OVOL2: variants seen among roughly 807,000 people sequenced by gnomAD.
The protein encoded by OVOL2 is ovo like zinc finger 2, also known as transcription factor Ovo-like 2.
Under a neutral mutation model 18.1 loss-of-function variants are expected in OVOL2, and 13 were observed. The ratio of observed to expected loss-of-function variants is 0.72; its 90% CI spans 0.47 to 1.14. OVOL2 has a LOEUF of 1.14. Ranked by LOEUF, OVOL2 falls within the 50% of genes most tolerant of loss-of-function variation. The pLI is 0.00. For missense variants in OVOL2, 335 were observed against 383.0 expected (o/e 0.87, Z 1.05); for synonymous variants, 166 against 162.7 (o/e 1.02, Z -0.16).
Position 18,056,752 on chromosome 20 carries a change from C to A in OVOL2, c.226G>T (p.Ala76Ser), listed in dbSNP as rs1387804034. 1.3e-6 allele frequency: 2 copies of A among 1,490,372 alleles called. No homozygotes were observed. The highest frequency in any genetic ancestry group is 1.3e-5 in the South Asian group (1 of 78,356). The allele number at this position is 1,490,372 out of a possible 1,614,324, so 92.3% of individuals were successfully genotyped here. ...GGCTCGGGGGTTTCGCTCTCGGGGG[C>A]GTGCGGGGACGAGCTGCTCTCTGCT... ...GGAESSSSPH[A>S]PESETPEPGD... is the part of the protein sequence containing the mutation. The change falls in exon 2 of 4, where the codon GCC (alanine) becomes TCC (serine). Residue 76 changes from alanine to serine, a missense_variant. Transcript: ENST00000278780. This position sits in a 1 kb window ranked among gnomAD's most constrained non-coding sequence, Gnocchi z 4.2.
intron 3 of OVOL2, among the ~76,000 whole-genome samples, chr20:18,035,640 G>A (rs8117785): frequency 0.12 from 18,288 of 152,164 alleles, 1,183 homozygotes; most frequent in Middle Eastern, 0.16. Context: ...CGGCAAGCCT[G>A]TTCCTCTGAG....
chr20:18,054,475 G>A (rs2036798662), intron 2 of OVOL2, among the ~76,000 whole-genome samples: 2 of 152,208 alleles, frequency 1.3e-5, no homozygotes, highest in African/African-American at 4.8e-5. Context: ...GGATGCGGTG[G>A]CTCACGCCTG....
intron 2 of OVOL2, among the ~76,000 whole-genome samples, chr20:18,055,642 G>A (rs2036814775): frequency 6.6e-6 from 1 of 152,172 alleles, no homozygotes; most frequent in Admixed American, 6.5e-5. Flanking sequence ...CCTCTCCCAG[G>A]AAAATGAGGG....
intron 2 of OVOL2, among the ~76,000 whole-genome samples, chr20:18,054,913 C>T (rs911220688): frequency 4.6e-5 from 7 of 152,096 alleles, no homozygotes; most frequent in African/African-American, 1.4e-4. Context: ...TTGAAAACTG[C>T]CAATGCCATG....
At chr20:18,052,684 A>ACTTTT (rs2036781233) in intron 2 of OVOL2, among the ~76,000 whole-genome samples, 1 of 152,224 alleles carries the variant, frequency 6.6e-6, no homozygotes, top group African/African-American at 2.4e-5. Context: ...GGCCAAGCAT[A>ACTTTT]CTTTTGAAAG....
chr20:18,044,164 T>C (rs1444306805), intron 2 of OVOL2, among the ~76,000 whole-genome samples: 5 of 152,180 alleles, frequency 3.3e-5, no homozygotes, highest in Non-Finnish European at 7.3e-5. Flanking sequence ...AAAATGCAGG[T>C]TCTGATTCAG....
At chr20:18,043,463 C>A (rs1309611416) in intron 2 of OVOL2, among the ~76,000 whole-genome samples, 5 of 152,158 alleles carry the variant, frequency 3.3e-5, no homozygotes, top group Non-Finnish European at 7.3e-5. Flanking sequence ...CCCAAGCTAG[C>A]CATGTGGACA....
At chr20:18,031,562 G>A (rs1407402127) in intron 3 of OVOL2, among the ~76,000 whole-genome samples, 2 of 152,162 alleles carry the variant, frequency 1.3e-5, no homozygotes, top group Non-Finnish European at 2.9e-5. Flanking sequence ...GGGTAACGGA[G>A]CGAGACTCTA....
At position 18,024,946 on chromosome 20, in the gene OVOL2, C is replaced by A; in HGVS notation, c.518G>T (p.Arg173Leu). The A allele has an allele frequency of 6.2e-7, 1 of 1,609,020 alleles. No individual in the cohort carries two copies. Among genetic ancestry groups the A allele is most frequent in the Non-Finnish European group, 8.5e-7 (1 of 1,175,956 alleles). Residue 173 changes from arginine to leucine, a missense_variant, in exon 4 of 4, where the codon CGT (arginine) becomes CTT (leucine). Coordinates refer to ENST00000278780, the MANE Select transcript of OVOL2 (RefSeq NM_021220.4). ...KRHVRTHTGI[R>L]PYKCNVCNKA... ...ATTGCAGACGTTGCATTTGTAGGGACGAATGCCTGAAAGGATGAGGGACAG... is the reference window on the plus strand; with the variant it reads ...ATTGCAGACGTTGCATTTGTAGGGAAGAATGCCTGAAAGGATGAGGGACAG...
chr20:18,054,783 G>GAAAAGAAAAGAAAAGA lies in OVOL2; in HGVS notation c.321+1873_321+1874insTCTTTTCTTTTCTTTT, dbSNP rs796465834. ...CTCCATCTCAAAAAAAAAAAAAAAA[G>GAAAAGAAAAGAAAAGA]AAAGAAAAGAAAAGAAAAGAAAAGA... On this transcript the variant is annotated intron_variant, in intron 2 of 3. Coordinates refer to ENST00000278780, the MANE Select transcript of OVOL2 (RefSeq NM_021220.4). 1.0e-3 allele frequency among the ~76,000 whole-genome samples: 116 copies of GAAAAGAAAAGAAAAGA among 111,242 alleles called. 1 individual carries two copies. Among genetic ancestry groups the GAAAAGAAAAGAAAAGA allele is most frequent in the East Asian group, 2.6e-3 (11 of 4,308 alleles). 73.0% of individuals were successfully genotyped at this position (111,242 alleles called of 152,430 possible). A position where few individuals can be genotyped will look rare whatever the true frequency, so the allele number is the denominator to read the frequency against.
At chr20:18,037,351 T>C (rs1434703475) in intron 3 of OVOL2, among the ~76,000 whole-genome samples, 1 of 152,198 alleles carries the variant, frequency 6.6e-6, no homozygotes, top group Non-Finnish European at 1.5e-5. Context: ...TTTCCTCCTC[T>C]GCAAAAGGTG....
rs1430276736 is a variant in OVOL2, at chr20:18,024,372, G to A, written c.*264C>T. 1 of 483,440 alleles carries A rather than the reference G, an allele frequency of 2.1e-6. No individual in the cohort carries two copies. Among genetic ancestry groups the A allele is most frequent in the Non-Finnish European group, 3.3e-6 (1 of 304,542 alleles). The allele number at this position is 483,440 out of a possible 1,614,324, so 29.9% of individuals were successfully genotyped here. A position where few individuals can be genotyped will look rare whatever the true frequency, so the allele number is the denominator to read the frequency against. On this transcript the variant is annotated 3_prime_UTR_variant, in exon 4 of 4. Coordinates refer to ENST00000278780, the MANE Select transcript of OVOL2 (RefSeq NM_021220.4). ...TTGGGGGAAAAAAAAATCCCACACGGTGTTCTTGGCCATCAGGATCATGAA... is the reference window on the plus strand; with the variant it reads ...TTGGGGGAAAAAAAAATCCCACACGATGTTCTTGGCCATCAGGATCATGAA...
chr20:18,047,699 C>T (rs1199844385), intron 2 of OVOL2, among the ~76,000 whole-genome samples: 1 of 148,994 alleles, frequency 6.7e-6, no homozygotes, highest in Non-Finnish European at 1.5e-5. Context: ...ATTAAAAATA[C>T]AAAAATTAGC....
At chr20:18,052,481 T>G (rs1326721695) in intron 2 of OVOL2, among the ~76,000 whole-genome samples, 1 of 152,190 alleles carries the variant, frequency 6.6e-6, no homozygotes, top group African/African-American at 2.4e-5. Flanking sequence ...TGCTTCAGAA[T>G]CATGCATGGG....
chr20:18,040,073 C>T (rs2036655375), intron 3 of OVOL2, among the ~76,000 whole-genome samples: 1 of 152,146 alleles, frequency 6.6e-6, no homozygotes, highest in African/African-American at 2.4e-5. Context: ...TATAGGCACG[C>T]ACCACCACGC....
intron 3 of OVOL2, among the ~76,000 whole-genome samples, chr20:18,031,151 C>T (rs987627579): frequency 3.3e-5 from 5 of 152,192 alleles, no homozygotes; most frequent in Non-Finnish European, 5.9e-5. Context: ...GACACCCACA[C>T]GACTGTGAGT....
chr20:18,041,504 C>T, intron 3 of OVOL2, 30 bp downstream of exon 3: 1 of 1,589,650 alleles, frequency 6.3e-7, no homozygotes, highest in Non-Finnish European at 8.6e-7. Context: ...AATAACAAAA[C>T]AGAGAACAAA....
At chr20:18,054,519 G>A (rs920122568) in intron 2 of OVOL2, among the ~76,000 whole-genome samples, 1 of 152,090 alleles carries the variant, frequency 6.6e-6, no homozygotes, top group African/African-American at 2.4e-5. Context: ...GAGGCAGGCG[G>A]ATCACCTGAG....
At chr20:18,040,403 G>C (rs1178033821) in intron 3 of OVOL2, among the ~76,000 whole-genome samples, 1 of 152,132 alleles carries the variant, frequency 6.6e-6, no homozygotes, top group African/African-American at 2.4e-5. Context: ...GATGGGCTGA[G>C]ATAGGATGGG....
Sources: gnomAD v4.1 joint callset for allele counts (sites outside exome capture counted in the v4.1 genomes callset) on GRCh38, gnomAD v4.1.1 for gene constraint, Gnocchi (gnomAD v3.1) non-coding constraint, MANE v1.5 for transcripts, NCBI Gene and HGNC (gene_info 2026-07-23, HGNC 2026-07-21) for gene names.